Variants in RANBP2 observed in about 807,000 individuals in gnomAD.
RANBP2 encodes the protein E3 SUMO-protein ligase RanBP2.
In RANBP2, 57 loss-of-function variants were observed where a neutral mutation model predicts 303.6. The observed-to-expected ratio is 0.19, with a 90% CI of 0.15 to 0.23. The LOEUF is 0.23. Ranked by LOEUF, RANBP2 falls within the 10% of genes least tolerant of loss-of-function variation. The probability of loss-of-function intolerance (pLI) is 1.00; values close to 1 mark genes in which losing one functional copy is unlikely to be tolerated. For missense variants in RANBP2, 3,138 were observed against 3,780.8 expected, an observed-to-expected ratio of 0.83 and a Z score of 4.46; for synonymous variants, 1,167 against 1,301.5, an observed-to-expected ratio of 0.90 and a Z score of 2.23.
chr2:109,351,928 G>A, the RANBP2 span, among the ~76,000 whole-genome samples: 1 of 152,238 alleles, frequency 6.6e-6, no homozygotes, highest in African/African-American at 2.4e-5. Flanking sequence ...TTACCTTTGT[G>A]AATTAACCTA....
At chr2:108,722,727 A>G (rs991149493) in intron 1 of RANBP2, among the ~76,000 whole-genome samples, 4 of 150,318 alleles carry the variant, frequency 2.7e-5, no homozygotes, top group Admixed American at 2.6e-4. Context: ...ATCCGTCTCT[A>G]TTAAAAATAC....
intron 1 of RANBP2, among the ~76,000 whole-genome samples, chr2:108,727,477 G>A (rs1187684863): frequency 2.0e-5 from 3 of 152,120 alleles, no homozygotes; most frequent in Non-Finnish European, 4.4e-5. Context: ...TCGATTGACG[G>A]CAACCTGGTT....
chr2:109,076,321 T>C, the RANBP2 span, among the ~76,000 whole-genome samples: 3 of 150,940 alleles, frequency 2.0e-5, no homozygotes, highest in African/African-American at 7.2e-5. Context: ...GAAAAGTCTA[T>C]AACTAACATC....
chr2:109,574,466 A>G, the RANBP2 span: 11 of 573,202 alleles, frequency 1.9e-5, no homozygotes. Flanking sequence ...AAAAAAAAAA[A>G]TTTAAAAAAG....
At chr2:109,119,934 G>C in the RANBP2 span, among the ~76,000 whole-genome samples, 87 of 152,326 alleles carry the variant, frequency 5.7e-4, no homozygotes, top group Non-Finnish European at 7.6e-4. Flanking sequence ...AAATGTAATT[G>C]AATGATGTAT....
At chr2:109,108,035 A>G in the RANBP2 span, among the ~76,000 whole-genome samples, 1 of 152,160 alleles carries the variant, frequency 6.6e-6, no homozygotes, top group African/African-American at 2.4e-5. Flanking sequence ...CCTCCTGAGT[A>G]GCTGGGACTA....
the RANBP2 span, among the ~76,000 whole-genome samples, chr2:109,065,785 G>A: frequency 8.8e-3 from 1,342 of 152,336 alleles, 11 homozygotes; most frequent in East Asian, 0.043. Flanking sequence ...GCTGGCCTCC[G>A]CGTCTTACGA....
the RANBP2 span, among the ~76,000 whole-genome samples, chr2:109,066,389 G>A: frequency 6.6e-6 from 1 of 152,174 alleles, no homozygotes; most frequent in East Asian, 1.9e-4. Flanking sequence ...TTATAGGCGT[G>A]AGCCACCGTG....
chr2:109,569,192 G>A, the RANBP2 span, among the ~76,000 whole-genome samples: 4,734 of 152,176 alleles, frequency 0.031, 245 homozygotes, highest in African/African-American at 0.11. Context: ...ACTTTGAAAG[G>A]CTGAGGCAGG....
At chr2:109,582,205 C>T in the RANBP2 span, among the ~76,000 whole-genome samples, 1 of 152,098 alleles carries the variant, frequency 6.6e-6, no homozygotes, top group Non-Finnish European at 1.5e-5. Flanking sequence ...AAAGAAATCA[C>T]AGATGACACC....
intron 21 of RANBP2, among the ~76,000 whole-genome samples, chr2:108,772,072 G>A (rs1468787367): frequency 6.6e-6 from 1 of 152,162 alleles, no homozygotes; most frequent in Non-Finnish European, 1.5e-5. Flanking sequence ...GCATTTTTTG[G>A]ATGGCTAATG....
the RANBP2 span, among the ~76,000 whole-genome samples, chr2:109,219,248 C>T: frequency 1.3e-5 from 2 of 152,120 alleles, no homozygotes; most frequent in African/African-American, 2.4e-5. Context: ...CTCAGACTAC[C>T]GTTTTTGCTC....
chr2:109,230,024 C>T, the RANBP2 span, among the ~76,000 whole-genome samples: 5 of 151,828 alleles, frequency 3.3e-5, no homozygotes, highest in Non-Finnish European at 7.4e-5. Flanking sequence ...CAGGGTTTCA[C>T]CATGTTAGCC....
At chr2:108,905,411 C>T in the RANBP2 span, among the ~76,000 whole-genome samples, 6 of 152,136 alleles carry the variant, frequency 3.9e-5, no homozygotes, top group African/African-American at 9.7e-5. Flanking sequence ...CACATTTCAG[C>T]GGCAGCCAAG....
the RANBP2 span, among the ~76,000 whole-genome samples, chr2:109,445,873 A>G: frequency 1.1e-4 from 17 of 152,288 alleles, no homozygotes; most frequent in African/African-American, 4.1e-4. Context: ...TCATTCCCCT[A>G]TCATTTATAA....
chr2:109,379,233 T>A, the RANBP2 span, among the ~76,000 whole-genome samples: 2 of 152,350 alleles, frequency 1.3e-5, no homozygotes, highest in Admixed American at 1.3e-4. Flanking sequence ...TAGCCAGTGA[T>A]GCTTTAGGAA....
the RANBP2 span, among the ~76,000 whole-genome samples, chr2:108,929,001 T>G: frequency 1.3e-5 from 2 of 152,234 alleles, no homozygotes; most frequent in African/African-American, 2.4e-5. Context: ...CAGAGCCTGA[T>G]GGGCTGCCTG....
At chr2:109,563,155 C>A in the RANBP2 span, among the ~76,000 whole-genome samples, 1 of 152,122 alleles carries the variant, frequency 6.6e-6, no homozygotes, top group Non-Finnish European at 1.5e-5. Context: ...AAGTGGTCTG[C>A]CCGCCTTGGC....
chr2:109,371,263 G>T, the RANBP2 span, among the ~76,000 whole-genome samples: 1 of 152,220 alleles, frequency 6.6e-6, no homozygotes, highest in Non-Finnish European at 1.5e-5. Context: ...GGTGGCACAC[G>T]CCTGTAATCC....
Sources: allele counts gnomAD v4.1 joint callset (sites outside exome capture counted in the v4.1 genomes callset), GRCh38; gene constraint gnomAD v4.1.1; transcripts MANE v1.5; gene names NCBI Gene and HGNC (gene_info 2026-07-23, HGNC 2026-07-21).